Variants in NRP1 observed in about 807,000 individuals in gnomAD.
NRP1 encodes neuropilin-1.
Under a neutral mutation model 106.7 loss-of-function variants are expected in NRP1, and 35 were observed. That is an observed-to-expected ratio of 0.33 (90% CI 0.25 to 0.43). The LOEUF (loss-of-function observed/expected upper bound fraction) is 0.43, where lower values mean the gene tolerates loss of function less well. NRP1 is among the 20% of genes least tolerant of loss of function. The pLI is 1.00. For missense variants in NRP1, 1,024 were observed against 1,170.4 expected (o/e 0.87, Z 1.83); for synonymous variants, 437 against 417.9 (o/e 1.05, Z -0.56).
rs116135909 is a variant in NRP1, at chr10:33,228,523, C to A, written c.982-2234G>T. On this transcript the variant is annotated intron_variant, in intron 6 of 16. Transcript: ENST00000374867. ...TTAATTCTCCAGTGCCCATGGGCCA[C>A]GAACACTTAAAGAATTTCCATTCTA... Among the ~76,000 whole-genome samples the A allele has an allele frequency of 3.6e-3, 552 of 152,322 alleles. 6 individuals are homozygous for A. Among genetic ancestry groups the A allele is most frequent in the African/African-American group, 0.013 (535 of 41,570 alleles).
intron 2 of NRP1, among the ~76,000 whole-genome samples, chr10:33,293,888 C>A (rs769506705): frequency 3.3e-5 from 5 of 152,178 alleles, no homozygotes; most frequent in Non-Finnish European, 7.3e-5. Flanking sequence ...CTCATCCATA[C>A]TCAACGTGAA....
chr10:33,292,189 C>T (rs1845045492), intron 2 of NRP1, among the ~76,000 whole-genome samples: 1 of 152,148 alleles, frequency 6.6e-6, no homozygotes, highest in Admixed American at 6.5e-5. Context: ...AGTCACGGTG[C>T]CCAGCCCACA....
At chr10:33,278,690 C>T (rs1843891304) in intron 2 of NRP1, among the ~76,000 whole-genome samples, 1 of 152,196 alleles carries the variant, frequency 6.6e-6, no homozygotes, top group South Asian at 2.1e-4. Flanking sequence ...CACCTAACAT[C>T]TTACTCTGAT....
chr10:33,270,656 C>T lies in NRP1; in HGVS notation c.430+19G>A. The T allele has an allele frequency of 1.3e-6, 2 of 1,599,448 alleles. No homozygotes were observed. Among genetic ancestry groups the T allele is most frequent in the Non-Finnish European group, 1.7e-6 (2 of 1,172,398 alleles). On this transcript the variant is annotated intron_variant, in intron 3 of 16. Transcript: ENST00000374867. ...TGAACTCTTAGTCATTCTTGTTCTA[C>T]CGTAAGCTGTTCACTCACCTCTCTT...
At chr10:33,247,609 C>T (rs725328) in intron 6 of NRP1, among the ~76,000 whole-genome samples, 26,811 of 152,088 alleles carry the variant, frequency 0.18, 2,794 homozygotes, top group East Asian at 0.51. Context: ...TATGTTTCTC[C>T]GAATAGCTGG....
chr10:33,263,976 G>T (rs1157448846), intron 3 of NRP1, 103 bp from the exon 4 acceptor site: 3 of 741,516 alleles, frequency 4.0e-6, no homozygotes, highest in Admixed American at 2.2e-5. Context: ...ATAAAAGCCC[G>T]CCAGTATAAC....
At chr10:33,289,549 T>C (rs553934139) in intron 2 of NRP1, among the ~76,000 whole-genome samples, 2 of 152,284 alleles carry the variant, frequency 1.3e-5, no homozygotes, top group South Asian at 4.2e-4. Flanking sequence ...TAAATAAGGG[T>C]GACATTGACG....
intron 2 of NRP1, among the ~76,000 whole-genome samples, chr10:33,307,303 G>T (rs970611828): frequency 6.6e-6 from 1 of 152,168 alleles, no homozygotes; most frequent in African/African-American, 2.4e-5. Context: ...TGTAAATAAA[G>T]TTTTATTGGA....
At chr10:33,285,591 G>C (rs1844466445) in intron 2 of NRP1, among the ~76,000 whole-genome samples, 1 of 152,100 alleles carries the variant, frequency 6.6e-6, no homozygotes, top group African/African-American at 2.4e-5. Flanking sequence ...AGCACTTTGG[G>C]AGCTGAGGTG....
At chr10:33,318,075 A>G (rs541980247) in intron 2 of NRP1, among the ~76,000 whole-genome samples, 3 of 152,180 alleles carry the variant, frequency 2.0e-5, no homozygotes, top group Non-Finnish European at 2.9e-5. Context: ...TCTTGTATTC[A>G]TAAGACACTT....
At chr10:33,326,634 C>G (rs2132933946) in intron 2 of NRP1, among the ~76,000 whole-genome samples, 1 of 152,246 alleles carries the variant, frequency 6.6e-6, no homozygotes, top group South Asian at 2.1e-4. Flanking sequence ...ACATCTTGTT[C>G]AATAAAAGAA....
chr10:33,198,247 T>C (rs1195811317), intron 11 of NRP1, among the ~76,000 whole-genome samples: 1 of 151,676 alleles, frequency 6.6e-6, no homozygotes, highest in African/African-American at 2.4e-5. Context: ...GTTCAAGCGA[T>C]TCTCCTGCCT....
intron 4 of NRP1, 82 bp downstream of exon 4, chr10:33,263,564 A>G (rs1393697025): frequency 1.0e-6 from 1 of 970,914 alleles, no homozygotes; most frequent in Non-Finnish European, 1.6e-6. Context: ...TTAATGATTC[A>G]TGTATCATGA....
At chr10:33,231,912 C>T (rs1008238012) in intron 6 of NRP1, among the ~76,000 whole-genome samples, 52 of 152,156 alleles carry the variant, frequency 3.4e-4, no homozygotes, top group Admixed American at 3.3e-3. Flanking sequence ...TGAATGAAAT[C>T]ATGGACACTA....
chr10:33,256,524 A>T, intron 4 of NRP1, 53 bp from the exon 5 acceptor site: 3 of 1,594,022 alleles, frequency 1.9e-6, no homozygotes, highest in African/African-American at 1.3e-5. Context: ...CCTGCAGCAG[A>T]TGCAAGAATT....
intron 13 of NRP1, 50 bp from the exon 14 acceptor site, chr10:33,186,538 T>C (rs1836020249): frequency 1.3e-6 from 2 of 1,549,002 alleles, no homozygotes; most frequent in Non-Finnish European, 1.7e-6. Flanking sequence ...ATTACCACAC[T>C]TTTATCTCTC....
chr10:33,315,533 G>A (rs1846964650), intron 2 of NRP1, among the ~76,000 whole-genome samples: 1 of 152,132 alleles, frequency 6.6e-6, no homozygotes, highest in Non-Finnish European at 1.5e-5. Flanking sequence ...GGCAAATACA[G>A]CACCTACTAT....
intron 13 of NRP1, among the ~76,000 whole-genome samples, chr10:33,188,932 T>C (rs989099600): frequency 2.1e-5 from 3 of 144,094 alleles, no homozygotes; most frequent in Admixed American, 2.1e-4. Context: ...TATATATATA[T>C]ATATAAATTA....
intron 6 of NRP1, among the ~76,000 whole-genome samples, chr10:33,228,787 G>A (rs1453348967): frequency 6.6e-6 from 1 of 152,124 alleles, no homozygotes; most frequent in Admixed American, 6.5e-5. Flanking sequence ...TCTAGGCTCT[G>A]TGTGCTTTCA....
Sources: allele counts gnomAD v4.1 joint callset (sites outside exome capture counted in the v4.1 genomes callset), GRCh38; gene constraint gnomAD v4.1.1; transcripts MANE v1.5; gene names NCBI Gene and HGNC (gene_info 2026-07-23, HGNC 2026-07-21).